The following EPHA6 variants were observed in gnomAD, a reference collection of about 807,000 sequenced individuals.
The protein encoded by EPHA6 is ephrin type-A receptor 6.
In EPHA6, 50 loss-of-function variants were observed where a neutral mutation model predicts 112.0. The ratio of observed to expected loss-of-function variants is 0.45; its 90% CI spans 0.36 to 0.56. The LOEUF (loss-of-function observed/expected upper bound fraction) is 0.56, where lower values mean the gene tolerates loss of function less well. Among genes scored for constraint, EPHA6 ranks in the 20% least tolerant of loss-of-function variants. The pLI, the probability that EPHA6 is intolerant of heterozygous loss-of-function variation, is 0.00. For missense variants in EPHA6, 1,280 were observed against 1,417.4 expected (o/e 0.90, Z 1.56); for synonymous variants, 529 against 490.7 (o/e 1.08, Z -1.03).
intron 7 of EPHA6, among the ~76,000 whole-genome samples, chr3:97,469,598 G>T (rs918494654): frequency 6.6e-6 from 1 of 151,618 alleles, no homozygotes; most frequent in Non-Finnish European, 1.5e-5. Flanking sequence ...GAATGAGAAA[G>T]AATCTAAGAA....
intron 13 of EPHA6, among the ~76,000 whole-genome samples, chr3:97,632,724 T>C (rs548301633): frequency 1.3e-5 from 2 of 152,116 alleles, no homozygotes; most frequent in South Asian, 4.1e-4. Flanking sequence ...TAGGGGTGAA[T>C]TGAGCACATG....
At chr3:96,981,513 T>C (rs989264763) in intron 2 of EPHA6, among the ~76,000 whole-genome samples, 5 of 150,470 alleles carry the variant, frequency 3.3e-5, no homozygotes, top group Non-Finnish European at 4.4e-5. Flanking sequence ...AAAATTCTCT[T>C]TTTTTTTTGT....
chr3:97,472,147 T>G (rs1038464405), intron 7 of EPHA6, among the ~76,000 whole-genome samples: 1 of 151,702 alleles, frequency 6.6e-6, no homozygotes, highest in Non-Finnish European at 1.5e-5. Flanking sequence ...AATTCCTTTT[T>G]TGAGGGGAGG....
At position 97,236,376 on chromosome 3, in the gene EPHA6, A is replaced by G. The variant is rs1166014405; in HGVS notation, c.1271-7576A>G. Among the ~76,000 whole-genome samples, 4 of 152,126 alleles carry G rather than the reference A, an allele frequency of 2.6e-5. No homozygotes were observed. In the East Asian group the frequency reaches 7.8e-4, roughly 30 times the overall value. On this transcript the variant is annotated intron_variant, in intron 4 of 17. Coordinates refer to ENST00000389672, the MANE Select transcript of EPHA6 (RefSeq NM_001080448.3). ...TGGGTGAGTGAGAGGTTAGAAAAAA[A>G]AATCCCATGGTCTTAGCACTTTTAC...
intron 7 of EPHA6, among the ~76,000 whole-genome samples, chr3:97,459,955 G>A (rs552594573): frequency 7.2e-5 from 11 of 152,302 alleles, no homozygotes; most frequent in African/African-American, 2.6e-4. Context: ...AGAACCTTCT[G>A]AGAAAACTGG....
intron 14 of EPHA6, among the ~76,000 whole-genome samples, chr3:97,697,540 A>G (rs957437094): frequency 3.3e-5 from 5 of 152,156 alleles, no homozygotes; most frequent in Non-Finnish European, 2.9e-5. Flanking sequence ...ACCTCAAGAA[A>G]TGTTTCAGGG....
chr3:96,991,327 A>G (rs2043208597), intron 3 of EPHA6, among the ~76,000 whole-genome samples: 1 of 152,198 alleles, frequency 6.6e-6, no homozygotes, highest in Admixed American at 6.5e-5. Context: ...CTCAGCTAGT[A>G]GTTCTGCTTA....
chr3:97,490,562 T>A (rs2091813864), intron 10 of EPHA6, among the ~76,000 whole-genome samples: 2 of 152,292 alleles, frequency 1.3e-5, no homozygotes, highest in South Asian at 4.1e-4. Flanking sequence ...GGAAATTTGA[T>A]CCCTATTTTC....
chr3:97,582,424 C>T (rs980460965), intron 11 of EPHA6, among the ~76,000 whole-genome samples: 1 of 152,006 alleles, frequency 6.6e-6, no homozygotes, highest in Non-Finnish European at 1.5e-5. Context: ...TGGGAGGACT[C>T]GGGGAGGCAT....
chr3:97,283,270 G>A (rs2080350063), intron 5 of EPHA6, among the ~76,000 whole-genome samples: 2 of 151,986 alleles, frequency 1.3e-5, no homozygotes, highest in African/African-American at 4.8e-5. Flanking sequence ...AAATTGTTTA[G>A]TTCCATTTTA....
intron 9 of EPHA6, among the ~76,000 whole-genome samples, chr3:97,483,528 A>G (rs540033502): frequency 1.3e-5 from 2 of 152,240 alleles, no homozygotes; most frequent in Non-Finnish European, 2.9e-5. Context: ...CTAGTGCCGT[A>G]GAGTACAAAG....
chr3:97,564,759 A>G (rs2093238822), intron 11 of EPHA6, among the ~76,000 whole-genome samples: 1 of 152,158 alleles, frequency 6.6e-6, no homozygotes, highest in Admixed American at 6.5e-5. Flanking sequence ...ATTATTAAAC[A>G]TGCAAAATCT....
At chr3:97,091,207 T>C (rs1576470201) in intron 3 of EPHA6, among the ~76,000 whole-genome samples, 1 of 152,234 alleles carries the variant, frequency 6.6e-6, no homozygotes. Context: ...TAGGTTTTCC[T>C]TTGATGTTCT....
rs551604663 is a variant in EPHA6, at chr3:97,237,117, A to G, written c.1271-6835A>G. On this transcript the variant is annotated intron_variant, in intron 4 of 17. Coordinates refer to ENST00000389672, the MANE Select transcript of EPHA6 (RefSeq NM_001080448.3). ...TGACTCATTGTACAGACAATGCAGCATTCACGATTTTGCAGAGCCTAGAAA... is the reference window on the plus strand; with the variant it reads ...TGACTCATTGTACAGACAATGCAGCGTTCACGATTTTGCAGAGCCTAGAAA... Among the ~76,000 whole-genome samples, 20 of 152,034 alleles carry G rather than the reference A, an allele frequency of 1.3e-4. 1 individual carries two copies. In the East Asian group the frequency reaches 2.5e-3, roughly 19 times the overall value.
intron 6 of EPHA6, among the ~76,000 whole-genome samples, chr3:97,444,000 A>G (rs897308909): frequency 1.3e-5 from 2 of 152,096 alleles, no homozygotes; most frequent in African/African-American, 4.8e-5. Flanking sequence ...TTGCTAATTT[A>G]CTTATTCTTT....
intron 11 of EPHA6, among the ~76,000 whole-genome samples, chr3:97,565,276 C>T (rs2093247972): frequency 1.3e-5 from 2 of 151,580 alleles, no homozygotes; most frequent in Admixed American, 6.6e-5. Flanking sequence ...AAAAAAAAAG[C>T]AATTATGCAT....
At chr3:96,981,277 C>G (rs970394107) in intron 2 of EPHA6, among the ~76,000 whole-genome samples, 2 of 152,082 alleles carry the variant, frequency 1.3e-5, no homozygotes, top group Admixed American at 6.6e-5. Context: ...TGAATTTTGT[C>G]AAAGGCCTTT....
At chr3:97,397,827 G>A (rs976543920) in intron 5 of EPHA6, among the ~76,000 whole-genome samples, 1 of 151,428 alleles carries the variant, frequency 6.6e-6, no homozygotes, top group African/African-American at 2.4e-5. Flanking sequence ...TCAAAATATG[G>A]AATTGGATTT....
intron 3 of EPHA6, among the ~76,000 whole-genome samples, chr3:97,009,572 C>G (rs1361254673): frequency 6.6e-6 from 1 of 152,210 alleles, no homozygotes; most frequent in African/African-American, 2.4e-5. Context: ...GTTGCTTCCT[C>G]TCTGCCAAAG....
Sources: allele counts gnomAD v4.1 joint callset (sites outside exome capture counted in the v4.1 genomes callset), GRCh38; gene constraint gnomAD v4.1.1; transcripts MANE v1.5; gene names NCBI Gene and HGNC (gene_info 2026-07-23, HGNC 2026-07-21).